The following HS6ST3 variants were observed in gnomAD, a reference collection of about 807,000 sequenced individuals.
HS6ST3 encodes the protein heparan-sulfate 6-O-sulfotransferase 3.
Under a neutral mutation model 36.7 loss-of-function variants are expected in HS6ST3, and 12 were observed. The ratio of observed to expected loss-of-function variants is 0.33; its 90% confidence interval spans 0.21 to 0.53. HS6ST3 has a LOEUF of 0.53. HS6ST3 is among the 20% of genes least tolerant of loss of function. The pLI, the probability that HS6ST3 is intolerant of heterozygous loss-of-function variation, is 0.95. For synonymous variants in HS6ST3, 240 were observed against 257.5 expected (o/e 0.93, Z 0.65); for missense variants, 584 against 640.9 (o/e 0.91, Z 0.96).
At chr13:96,400,155 TCACACA>T (rs55957302) in intron 1 of HS6ST3, among the ~76,000 whole-genome samples, 7 of 145,374 alleles carry the variant, frequency 4.8e-5, no homozygotes, top group Admixed American at 2.1e-4. Context: ...AGTGCTGAAA[TCACACA>T]CACACACACA....
At chr13:96,557,135 C>A (rs547174655) in intron 1 of HS6ST3, among the ~76,000 whole-genome samples, 29 of 152,330 alleles carry the variant, frequency 1.9e-4, no homozygotes, top group African/African-American at 6.5e-4. Context: ...AATCCAGATT[C>A]AACAGACGTG....
chr13:96,136,754 A>G (rs1025244164), intron 1 of HS6ST3, among the ~76,000 whole-genome samples: 40 of 150,646 alleles, frequency 2.7e-4, no homozygotes, highest in Non-Finnish European at 4.0e-4. Context: ...AAATTAACAT[A>G]TACAAATGAT....
At chr13:96,626,841 T>C (rs556553982) in intron 1 of HS6ST3, among the ~76,000 whole-genome samples, 1 of 152,040 alleles carries the variant, frequency 6.6e-6, no homozygotes, top group African/African-American at 2.4e-5. Context: ...GTATTTTTTT[T>C]AAAAAAATAC....
At chr13:96,276,461 C>G (rs569238445) in intron 1 of HS6ST3, among the ~76,000 whole-genome samples, 4 of 152,150 alleles carry the variant, frequency 2.6e-5, no homozygotes, top group African/African-American at 9.7e-5. Context: ...TTCTTATTGG[C>G]TGTGTGATGC....
At chr13:96,489,365 T>C (rs1255133639) in intron 1 of HS6ST3, among the ~76,000 whole-genome samples, 1 of 118,250 alleles carries the variant, frequency 8.5e-6, no homozygotes, top group Non-Finnish European at 1.8e-5. Flanking sequence ...AATATTTTTC[T>C]GTATATACAA....
chr13:96,805,293 G>A (rs61968190), intron 1 of HS6ST3, among the ~76,000 whole-genome samples: 3,223 of 152,158 alleles, frequency 0.021, 51 homozygotes, highest in Non-Finnish European at 0.027. Flanking sequence ...ACAAGATCTG[G>A]TTGTTTGAAA....
chr13:96,354,414 G>GA lies in HS6ST3; in HGVS notation c.707+262853dup, dbSNP rs573124249. ...AGTAGGACTGGGGGGTCTTGAGTGG[G>GA]AAAAAAAATCTTAATTTCAATCATT... On this transcript the variant is annotated intron_variant, in intron 1 of 1. Transcript: ENST00000376705. Among the ~76,000 whole-genome samples, 21 of 151,750 alleles carry GA rather than the reference G, an allele frequency of 1.4e-4. 1 individual carries two copies. In the East Asian group the frequency reaches 3.7e-3, roughly 27 times the overall value.
chr13:96,400,097 C>T (rs1594771866), intron 1 of HS6ST3, among the ~76,000 whole-genome samples: 1 of 151,094 alleles, frequency 6.6e-6, no homozygotes, highest in East Asian at 2.0e-4. Flanking sequence ...TCAGTGGGAG[C>T]CACCTCTGCT....
intron 1 of HS6ST3, among the ~76,000 whole-genome samples, chr13:96,670,922 C>G: frequency 6.6e-6 from 1 of 152,060 alleles, no homozygotes; most frequent in Non-Finnish European, 1.5e-5. Context: ...GCTGATATTC[C>G]CCTCTGGCTG....
rs77577910 is a variant in HS6ST3 at position 96,702,115 on chromosome 13, C to T, written c.708-130375C>T. Among the ~76,000 whole-genome samples, 1,160 of 152,138 alleles carry T rather than the reference C, an allele frequency of 7.6e-3. 4 individuals are homozygous for T. Among genetic ancestry groups the T allele is most frequent in the Middle Eastern group, 0.014 (4 of 294 alleles). ...TGAAAAGGGAGATGGTAAGATGGAC[C>T]GTATCGATGGAGTTACATATCTTGG... On this transcript the variant is annotated intron_variant, in intron 1 of 1. Transcript: ENST00000376705.
intron 1 of HS6ST3, among the ~76,000 whole-genome samples, chr13:96,144,458 A>C (rs2139319243): frequency 6.6e-6 from 1 of 152,150 alleles, no homozygotes; most frequent in South Asian, 2.1e-4. Flanking sequence ...TTTCCATCAG[A>C]ATTAGGAGAT....
At chr13:96,680,897 C>CCA in intron 1 of HS6ST3, among the ~76,000 whole-genome samples, 1 of 152,312 alleles carries the variant, frequency 6.6e-6, no homozygotes, top group South Asian at 2.1e-4. Context: ...GGCTTTGGAG[C>CCA]CACATAAACA....
intron 1 of HS6ST3, among the ~76,000 whole-genome samples, chr13:96,110,476 G>A (rs201153164): frequency 2.7e-5 from 4 of 146,512 alleles, no homozygotes; most frequent in African/African-American, 1.0e-4. Context: ...TCACTCTGTC[G>A]CCCAGGCTGG....
intron 1 of HS6ST3, among the ~76,000 whole-genome samples, chr13:96,531,466 G>C (rs777854446): frequency 3.3e-5 from 5 of 152,144 alleles, no homozygotes; most frequent in Admixed American, 3.3e-4. Context: ...AGAATGTTCT[G>C]TCTTTGTATT....
intron 1 of HS6ST3, among the ~76,000 whole-genome samples, chr13:96,258,596 A>G (rs539273204): frequency 3.0e-4 from 45 of 152,264 alleles, no homozygotes; most frequent in African/African-American, 9.9e-4. Context: ...TGTCAGAGCA[A>G]TGGGCACTTA....
chr13:96,625,380 C>T (rs1036475760), intron 1 of HS6ST3, among the ~76,000 whole-genome samples: 1 of 152,082 alleles, frequency 6.6e-6, no homozygotes, highest in Non-Finnish European at 1.5e-5. Context: ...GAGTATGTAT[C>T]GAGCAATAGA....
intron 1 of HS6ST3, among the ~76,000 whole-genome samples, chr13:96,347,504 T>C (rs1381210148): frequency 6.6e-6 from 1 of 152,216 alleles, no homozygotes; most frequent in Non-Finnish European, 1.5e-5. Flanking sequence ...CCAACGTTGC[T>C]GTTTGGGGGA....
At chr13:96,370,840 G>A (rs1034204023) in intron 1 of HS6ST3, among the ~76,000 whole-genome samples, 1 of 152,200 alleles carries the variant, frequency 6.6e-6, no homozygotes, top group African/African-American at 2.4e-5. Flanking sequence ...GGAGGTTGCA[G>A]TGAGCTGAGA....
chr13:96,152,316 C>CTTTTTTTTTTTTT (rs766489670), intron 1 of HS6ST3, among the ~76,000 whole-genome samples: 4 of 97,054 alleles, frequency 4.1e-5, no homozygotes, highest in African/African-American at 7.8e-5. Flanking sequence ...GGCCCCTTTC[C>CTTTTTTTTTTTTT]TTTTTTTTTT....
Sources: gnomAD v4.1 joint callset for allele counts (sites outside exome capture counted in the v4.1 genomes callset) on GRCh38, gnomAD v4.1.1 for gene constraint, MANE v1.5 for transcripts, NCBI Gene and HGNC (gene_info 2026-07-23, HGNC 2026-07-21) for gene names.